Variants in ZBTB6 observed in about 807,000 individuals in gnomAD.
ZBTB6 encodes zinc finger and BTB domain-containing protein 6.
In ZBTB6, 11 loss-of-function variants were observed where a neutral mutation model predicts 30.6. The ratio of observed to expected loss-of-function variants is 0.36; its 90% confidence interval spans 0.23 to 0.60. The LOEUF (loss-of-function observed/expected upper bound fraction) is 0.60, where lower values mean the gene tolerates loss of function less well. Ranked by LOEUF, ZBTB6 falls within the 20% of genes least tolerant of loss-of-function variation. ZBTB6 has a pLI of 0.75. For missense variants in ZBTB6, 380 were observed against 489.4 expected, an observed-to-expected ratio of 0.78 and a Z score of 2.11; for synonymous variants, 174 against 172.0, an observed-to-expected ratio of 1.01 and a Z score of -0.09.
chr9:122,911,238 T>C lies in ZBTB6; in HGVS notation c.835A>G (p.Asn279Asp). ...ACTGTACCATAACTTCCTTCAGTAT[T>C]CTCACAAAATAAGCCCTGATCTTGA... ...GNQDQGLFCE[N>D]TEGSYGTVSE... The change falls in exon 2 of 2, where the codon AAT (asparagine) becomes GAT (aspartate). Residue 279 changes from asparagine to aspartate, a missense_variant. By Grantham distance (23) the Asn-to-Asp change is conservative. Coordinates refer to ENST00000373659, the MANE Select transcript of ZBTB6 (RefSeq NM_006626.6). The surrounding 1 kb of genome is among the most constrained non-coding windows in gnomAD (Gnocchi z 4.5). 1 of 1,614,194 alleles carries C rather than the reference T, an allele frequency of 6.2e-7. No individual in the cohort carries two copies. The highest frequency in any genetic ancestry group is 8.5e-7 in the Non-Finnish European group (1 of 1,180,038).
chr9:122,909,777 T>C lies in ZBTB6; in HGVS notation c.*1021A>G, dbSNP rs1449399491. 1 of 152,192 alleles carries C rather than the reference T, an allele frequency of 6.6e-6. No individual in the cohort carries two copies. The highest frequency in any genetic ancestry group is 1.5e-5 in the Non-Finnish European group (1 of 68,040). The allele number at this position is 152,192 out of a possible 1,614,324, so 9.4% of individuals were successfully genotyped here. Reference sequence around the variant, plus strand: ...AGGGAACGTACTATAAGATTCTGTTTATATGACAGTCCAGAAAAGGCAAAA... The same window carrying C: ...AGGGAACGTACTATAAGATTCTGTTCATATGACAGTCCAGAAAAGGCAAAA... On this transcript the variant is annotated 3_prime_UTR_variant, in exon 2 of 2. Transcript: ENST00000373659.
chr9:122,910,930 T>C lies in ZBTB6; in HGVS notation c.1143A>G (p.Pro381=). 6.2e-7 allele frequency: 1 copy of C among 1,614,212 alleles called. No individual in the cohort carries two copies. The highest frequency in any genetic ancestry group is 1.1e-5 in the South Asian group (1 of 91,082). ...CCATATCACAACAGTGGCATTTGTA[T>C]GGCCGATCCCCACTGTGTATGTTCA... ...DHLNIHSGDR[P]YKCHCCDMDF... Residue 381 remains proline, a synonymous_variant, in exon 2 of 2, where the codon CCA becomes CCG. Transcript: ENST00000373659.
Position 122,910,804 on chromosome 9 carries a change from T to C in ZBTB6, c.1269A>G (p.Leu423=), listed in dbSNP as rs367649177. 1.2e-6 allele frequency: 2 copies of C among 1,604,964 alleles called. No individual in the cohort carries two copies. The change falls in exon 2 of 2, where the codon CTA becomes CTG. Residue 423 remains leucine (L), a synonymous_variant. Coordinates refer to ENST00000373659, the MANE Select transcript of ZBTB6 (RefSeq NM_006626.6). The stretch of plus-strand genomic sequence containing the variant: ...AACAAGTCTGTGATTATAATTATAG[T>C]AGACTTTGCCTTTTGAGATCAGGCC... ...LSRPDLKRQS[L]L
chr9:122,909,779 T>C lies in ZBTB6; in HGVS notation c.*1019A>G, dbSNP rs1378082438. ...GGAACGTACTATAAGATTCTGTTTATATGACAGTCCAGAAAAGGCAAAATA... is the reference window on the plus strand; with the variant it reads ...GGAACGTACTATAAGATTCTGTTTACATGACAGTCCAGAAAAGGCAAAATA... On this transcript the variant is annotated 3_prime_UTR_variant, in exon 2 of 2. Transcript: ENST00000373659. 6.6e-6 allele frequency: 1 copy of C among 152,204 alleles called. No homozygotes were observed. Among genetic ancestry groups the C allele is most frequent in the Non-Finnish European group, 1.5e-5 (1 of 68,038 alleles). 9.4% of individuals were successfully genotyped at this position (152,204 alleles called of 1,614,324 possible).
In ZBTB6 at chr9:122,908,294, C is replaced by T. The variant is rs773585139; in HGVS notation, c.*2504G>A. The stretch of plus-strand genomic sequence containing the variant: ...GAATAAATTCTATACTTTGTCATAC[C>T]TGAACTTTAAAAAAAGATTCCATTT... On this transcript the variant is annotated 3_prime_UTR_variant, in exon 2 of 2. Coordinates refer to ENST00000373659, the MANE Select transcript of ZBTB6 (RefSeq NM_006626.6). 3.9e-5 allele frequency: 6 copies of T among 152,164 alleles called. No individual in the cohort carries two copies. The highest frequency in any genetic ancestry group is 7.4e-5 in the Non-Finnish European group (5 of 68,010). The allele number at this position is 152,164 out of a possible 1,614,324, so 9.4% of individuals were successfully genotyped here.
At chr9:122,912,137 T>A (rs1362244463) in intron 1 of ZBTB6, 56 bp from the exon 2 acceptor site, 2 of 1,514,430 alleles carry the variant, frequency 1.3e-6, no homozygotes, top group Admixed American at 2.1e-5. Context: ...TGCTTTCCCA[T>A]GCTGTAATGG....
rs1255937509 is a variant in ZBTB6, at chr9:122,911,336, A to G, written c.737T>C (p.Met246Thr). ...TGAATGCTGTGTTTCAGAGAAATACATGCTTGCTTTTGAAGAGGTACAAGG... is the reference window on the plus strand; with the variant it reads ...TGAATGCTGTGTTTCAGAGAAATACGTGCTTGCTTTTGAAGAGGTACAAGG... ...SQPCTSSKAS[M>T]YFSETQHSLI... Residue 246 changes from methionine (M) to threonine (T), a missense_variant, in exon 2 of 2, where the codon ATG (methionine) becomes ACG (threonine). Physicochemically the swap from Met to Thr is moderately conservative, Grantham distance 81 (BLOSUM62 -1). Coordinates refer to ENST00000373659, the MANE Select transcript of ZBTB6 (RefSeq NM_006626.6). This position sits in a 1 kb window ranked among gnomAD's most constrained non-coding sequence, Gnocchi z 4.5. 2 of 1,614,162 alleles carry G rather than the reference A, an allele frequency of 1.2e-6. No homozygotes were observed. The highest frequency in any genetic ancestry group is 2.2e-5 in the South Asian group (2 of 91,088).
At chr9:122,912,934 C>T (rs1832968373) in intron 1 of ZBTB6, among the ~76,000 whole-genome samples, 1 of 152,156 alleles carries the variant, frequency 6.6e-6, no homozygotes, top group African/African-American at 2.4e-5. Flanking sequence ...ATGACTCCAC[C>T]TCCCGTTTCA....
intron 1 of ZBTB6, 78 bp from the exon 2 acceptor site, chr9:122,912,159 G>A: frequency 1.4e-6 from 2 of 1,394,702 alleles, no homozygotes; most frequent in Non-Finnish European, 9.7e-7. Context: ...GAAAACAAAC[G>A]AAAAACCCCA....
Position 122,910,835 on chromosome 9 carries a change from A to G in ZBTB6, c.1238T>C (p.Leu413Pro). 2.5e-6 allele frequency: 4 copies of G among 1,614,096 alleles called. No individual in the cohort carries two copies. The highest frequency in any genetic ancestry group is 3.4e-6 in the Non-Finnish European group (4 of 1,179,946). ...SVHGRSSGEK[L>P]SRPDLKRQSL... Reference sequence around the variant, plus strand: ...TTGCCTTTTGAGATCAGGCCTAGATAGTTTTTCACCACTGCTTCTGCCATG... The same window carrying G: ...TTGCCTTTTGAGATCAGGCCTAGATGGTTTTTCACCACTGCTTCTGCCATG... The change falls in exon 2 of 2, where the codon CTA becomes CCA. Residue 413 changes from leucine (L) to proline (P), a missense_variant. Coordinates refer to ENST00000373659, the MANE Select transcript of ZBTB6 (RefSeq NM_006626.6).
chr9:122,912,204 A>C, intron 1 of ZBTB6, 123 bp from the exon 2 acceptor site: 2 of 984,006 alleles, frequency 2.0e-6, no homozygotes, highest in Non-Finnish European at 1.5e-6. Context: ...TCAAAGTCTA[A>C]TGTAGGTGTT....
At position 122,908,344 on chromosome 9, in the gene ZBTB6, T is replaced by C. The variant is rs1004940010; in HGVS notation, c.*2454A>G. 1 of 152,554 alleles carries C rather than the reference T, an allele frequency of 6.6e-6. No individual in the cohort carries two copies. Among genetic ancestry groups the C allele is most frequent in the Non-Finnish European group, 1.5e-5 (1 of 68,022 alleles). The allele number at this position is 152,554 out of a possible 1,614,324, so 9.5% of individuals were successfully genotyped here. A position where few individuals can be genotyped will look rare whatever the true frequency, so the allele number is the denominator to read the frequency against. On this transcript the variant is annotated 3_prime_UTR_variant, in exon 2 of 2. Transcript: ENST00000373659. ...TTCCTGAAAATTTTTAGACATATCA[T>C]GCAAACAGACACTCTCCTAGGAATG...
In ZBTB6 at chr9:122,910,934, C is replaced by T; in HGVS notation, c.1139G>A (p.Arg380Gln). 6.2e-7 allele frequency: 1 copy of T among 1,614,078 alleles called. No homozygotes were observed. Among genetic ancestry groups the T allele is most frequent in the Non-Finnish European group, 8.5e-7 (1 of 1,179,988 alleles). ...ATCACAACAGTGGCATTTGTATGGC[C>T]GATCCCCACTGTGTATGTTCAAGTG... ...QDHLNIHSGD[R>Q]PYKCHCCDMD... The change falls in exon 2 of 2, where the codon CGG (arginine) becomes CAG (glutamine). Residue 380 changes from arginine (R) to glutamine (Q), a missense_variant. Physicochemically the swap from Arg to Gln is conservative, Grantham distance 43. Coordinates refer to ENST00000373659, the MANE Select transcript of ZBTB6 (RefSeq NM_006626.6).
In ZBTB6 at chr9:122,910,847, C is replaced by T. The variant is rs1832946163; in HGVS notation, c.1226G>A (p.Ser409Asn). 1 of 1,614,114 alleles carries T rather than the reference C, an allele frequency of 6.2e-7. No homozygotes were observed. The highest frequency in any genetic ancestry group is 1.1e-5 in the South Asian group (1 of 91,078). ...KHLTSVHGRS[S>N]GEKLSRPDLK... ...ATCAGGCCTAGATAGTTTTTCACCA[C>T]TGCTTCTGCCATGGACAGAGGTTAA... Residue 409 changes from serine to asparagine, a missense_variant, in exon 2 of 2, where the codon AGT (serine) becomes AAT (asparagine). Coordinates refer to ENST00000373659, the MANE Select transcript of ZBTB6 (RefSeq NM_006626.6).
rs769464051 is a variant in ZBTB6 at position 122,910,764 on chromosome 9, A to C, written c.*34T>G. ...ACAGAAAGACTTGCGTAATAGAATA[A>C]TACAAACTTTATATAACAAGTCTGT... On this transcript the variant is annotated 3_prime_UTR_variant, in exon 2 of 2. Coordinates refer to ENST00000373659, the MANE Select transcript of ZBTB6 (RefSeq NM_006626.6). 1.9e-6 allele frequency: 3 copies of C among 1,546,566 alleles called. No individual in the cohort carries two copies. In the African/African-American group the frequency reaches 4.1e-5, roughly 21 times the overall value.
intron 1 of ZBTB6, among the ~76,000 whole-genome samples, chr9:122,912,947 C>G (rs1215370410): frequency 6.6e-6 from 1 of 152,184 alleles, no homozygotes; most frequent in Non-Finnish European, 1.5e-5. Flanking sequence ...CCGTTTCAAC[C>G]AGAGAGAGTC....
At position 122,909,161 on chromosome 9, in the gene ZBTB6, T is replaced by TA. The variant is rs1464914686; in HGVS notation, c.*1636dup. ...AAATTGTCAAAAAAAGGTTAACACTTATAACAACGAACATGTGATTCATTC... is the reference window on the plus strand; with the variant it reads ...AAATTGTCAAAAAAAGGTTAACACTTAATAACAACGAACATGTGATTCATTC... On this transcript the variant is annotated 3_prime_UTR_variant, in exon 2 of 2. Coordinates refer to ENST00000373659, the MANE Select transcript of ZBTB6 (RefSeq NM_006626.6). 3 of 152,204 alleles carry TA rather than the reference T, an allele frequency of 2.0e-5. No individual in the cohort carries two copies. The highest frequency in any genetic ancestry group is 4.4e-5 in the Non-Finnish European group (3 of 68,016). The allele number at this position is 152,204 out of a possible 1,614,324, so 9.4% of individuals were successfully genotyped here. A position where few individuals can be genotyped will look rare whatever the true frequency, so the allele number is the denominator to read the frequency against.
rs2131529100 is a variant in ZBTB6, at chr9:122,910,032, G to T, written c.*766C>A. 1 of 152,258 alleles carries T rather than the reference G, an allele frequency of 6.6e-6. No homozygotes were observed. The highest frequency in any genetic ancestry group is 1.9e-4 in the East Asian group (1 of 5,186). The allele number at this position is 152,258 out of a possible 1,614,324, so 9.4% of individuals were successfully genotyped here. A position where few individuals can be genotyped will look rare whatever the true frequency, so the allele number is the denominator to read the frequency against. Reference sequence around the variant, plus strand: ...GAGGAACTTTTAAAACAGTAGAACAGATATCCCTGGTAAAGGTAGAATTTC... The same window carrying T: ...GAGGAACTTTTAAAACAGTAGAACATATATCCCTGGTAAAGGTAGAATTTC... On this transcript the variant is annotated 3_prime_UTR_variant, in exon 2 of 2. Coordinates refer to ENST00000373659, the MANE Select transcript of ZBTB6 (RefSeq NM_006626.6).
In ZBTB6 at chr9:122,910,593, T is replaced by A; in HGVS notation, c.*205A>T. 1 of 552,638 alleles carries A rather than the reference T, an allele frequency of 1.8e-6. No individual in the cohort carries two copies. The highest frequency in any genetic ancestry group is 3.2e-6 in the Non-Finnish European group (1 of 311,424). 34.2% of individuals were successfully genotyped at this position (552,638 alleles called of 1,614,324 possible). On this transcript the variant is annotated 3_prime_UTR_variant, in exon 2 of 2. Transcript: ENST00000373659. ...ACTACTGAGACTTATATGTAAGGTA[T>A]GAGATGAGACAGAATCCCATCAGCT...
Sources: allele counts gnomAD v4.1 joint callset (sites outside exome capture counted in the v4.1 genomes callset), GRCh38; gene constraint gnomAD v4.1.1; non-coding constraint Gnocchi (gnomAD v3.1); transcripts MANE v1.5; gene names NCBI Gene and HGNC (gene_info 2026-07-23, HGNC 2026-07-21).